MOB1A: variants seen among roughly 807,000 people sequenced by gnomAD.
The protein encoded by MOB1A is MOB kinase activator 1A.
In MOB1A, 10 loss-of-function variants were observed where a neutral mutation model predicts 25.1. The observed-to-expected ratio is 0.40, with a 90% confidence interval of 0.25 to 0.68. The LOEUF (loss-of-function observed/expected upper bound fraction) is 0.68, where lower values mean the gene tolerates loss of function less well. MOB1A is among the 30% of genes least tolerant of loss of function. MOB1A has a pLI of 0.40. For synonymous variants in MOB1A, 81 were observed against 79.5 expected, an observed-to-expected ratio of 1.02 and a Z score of -0.10; for missense variants, 177 against 256.3, an observed-to-expected ratio of 0.69 and a Z score of 2.11.
chr2:74,170,152 G>T (rs900020898), intron 2 of MOB1A, among the ~76,000 whole-genome samples: 3 of 151,536 alleles, frequency 2.0e-5, no homozygotes, highest in Non-Finnish European at 2.9e-5. Flanking sequence ...GTGTGTGTGT[G>T]TTTTTTTAAG....
chr2:74,158,919 T>A, intron 5 of MOB1A, 172 bp downstream of exon 5: 1 of 709,020 alleles, frequency 1.4e-6, no homozygotes, highest in Non-Finnish European at 2.3e-6. Flanking sequence ...CTTTTTATAC[T>A]GCTGCACACA....
intron 2 of MOB1A, among the ~76,000 whole-genome samples, chr2:74,169,564 G>C (rs4527231): frequency 6.6e-6 from 1 of 151,930 alleles, no homozygotes; most frequent in Non-Finnish European, 1.5e-5. Context: ...AGAGTATCAC[G>C]AGATATACCC....
At chr2:74,169,431 G>A (rs1693220480) in intron 2 of MOB1A, among the ~76,000 whole-genome samples, 2 of 152,086 alleles carry the variant, frequency 1.3e-5, no homozygotes, top group South Asian at 4.1e-4. Context: ...GAAGCCAGGA[G>A]GCAGCTGCAG....
chr2:74,163,441 A>G (rs1693032671), intron 4 of MOB1A, among the ~76,000 whole-genome samples: 1 of 152,172 alleles, frequency 6.6e-6, no homozygotes, highest in Non-Finnish European at 1.5e-5. Flanking sequence ...GTTCGAGACC[A>G]GCCTGGGCAA....
At position 74,165,312 on chromosome 2, in the gene MOB1A, CT is replaced by C; in HGVS notation, c.314del (p.Lys105SerfsTer14). 1 of 1,582,042 alleles carries C rather than the reference CT, an allele frequency of 6.3e-7. No individual in the cohort carries two copies. Among genetic ancestry groups the C allele is most frequent in the Non-Finnish European group, 8.6e-7 (1 of 1,163,466 alleles). On this transcript the variant is annotated frameshift_variant, in exon 4 of 6. Transcript: ENST00000396049. LOFTEE classifies it high-confidence loss of function. ...ATTTTGGTGCAGAACATTTGATTGGCTTTTTAATATTAGTACCATCTGCCCA... is the reference window on the plus strand; with the variant it reads ...ATTTTGGTGCAGAACATTTGATTGGCTTTTAATATTAGTACCATCTGCCCA... Reference protein sequence around the residue: ...YHWADGTNIKKPIKCSAPKYI... With the variant: ...YHWADGTNIKXPIKCSAPKYI...
rs75064967 is a variant in MOB1A at position 74,165,170 on chromosome 2, A to C, written c.409+48T>G. 2.2e-4 allele frequency: 312 copies of C among 1,397,096 alleles called. 4 individuals are homozygous for C. The East Asian group carries it at 7.2e-3, about 32-fold the overall frequency. 86.5% of individuals were successfully genotyped at this position (1,397,096 alleles called of 1,614,324 possible). On this transcript the variant is annotated intron_variant, in intron 4 of 5. Coordinates refer to ENST00000396049, the MANE Select transcript of MOB1A (RefSeq NM_018221.5). ...CCCCCCAACTCTATTTATATTAATA[A>C]AATAAAATTTTAAAAAAAGAAAGAA...
At chr2:74,167,708 G>A (rs1375383792) in intron 2 of MOB1A, among the ~76,000 whole-genome samples, 1 of 152,256 alleles carries the variant, frequency 6.6e-6, no homozygotes, top group Non-Finnish European at 1.5e-5. Context: ...GTATCCAGAG[G>A]CATTTAAAAG....
At chr2:74,172,183 A>T (rs763861485) in intron 2 of MOB1A, among the ~76,000 whole-genome samples, 1 of 152,220 alleles carries the variant, frequency 6.6e-6, no homozygotes, top group South Asian at 2.1e-4. Context: ...TCAACTGTCC[A>T]TATGAACTGC....
At chr2:74,169,964 A>C (rs1693240674) in intron 2 of MOB1A, among the ~76,000 whole-genome samples, 1 of 151,948 alleles carries the variant, frequency 6.6e-6, no homozygotes, top group Non-Finnish European at 1.5e-5. Flanking sequence ...AGAATGGTAC[A>C]TATTTATGGG....
chr2:74,162,408 G>C (rs1193362402), intron 4 of MOB1A, among the ~76,000 whole-genome samples: 1 of 152,172 alleles, frequency 6.6e-6, no homozygotes, highest in South Asian at 2.1e-4. Flanking sequence ...TTCAACCCAG[G>C]AAGTGGAGGT....
chr2:74,157,455 G>A (rs1451218527), intron 5 of MOB1A, among the ~76,000 whole-genome samples: 1 of 152,068 alleles, frequency 6.6e-6, no homozygotes, highest in Non-Finnish European at 1.5e-5. Context: ...TCTATAAGCG[G>A]CTCTAGCAAA....
intron 1 of MOB1A, among the ~76,000 whole-genome samples, chr2:74,176,110 A>ACACACACACACACT (rs1693450702): frequency 6.7e-6 from 1 of 149,320 alleles, no homozygotes; most frequent in African/African-American, 2.5e-5. Context: ...ACACACACAC[A>ACACACACACACACT]CACACACACA....
At chr2:74,171,963 T>A (rs1377915699) in intron 2 of MOB1A, among the ~76,000 whole-genome samples, 1 of 152,166 alleles carries the variant, frequency 6.6e-6, no homozygotes, top group Non-Finnish European at 1.5e-5. Context: ...AACTTTTTAT[T>A]CCTGGAACAT....
In MOB1A at chr2:74,165,213, C is replaced by T; in HGVS notation, c.409+5G>A. ...AGAAAGAATACTTCGACAATGTTAA[C>T]TCACCAATCTTAGAAGGAAAAAGAG... On this transcript the variant is annotated splice_donor_5th_base_variant and intron_variant, in intron 4 of 5. Transcript: ENST00000396049. The T allele has an allele frequency of 6.6e-7, 1 of 1,516,158 alleles. No homozygotes were observed. The highest frequency in any genetic ancestry group is 8.8e-7 in the Non-Finnish European group (1 of 1,131,252). The allele number at this position is 1,516,158 out of a possible 1,614,324, so 93.9% of individuals were successfully genotyped here. A position where few individuals can be genotyped will look rare whatever the true frequency, so the allele number is the denominator to read the frequency against.
intron 1 of MOB1A, among the ~76,000 whole-genome samples, chr2:74,172,988 T>A (rs1298110692): frequency 6.6e-6 from 1 of 151,966 alleles, no homozygotes; most frequent in East Asian, 1.9e-4. Flanking sequence ...ATACAAAAAT[T>A]AGCCAAGCAT....
intron 4 of MOB1A, among the ~76,000 whole-genome samples, chr2:74,162,000 G>C (rs1692987306): frequency 6.6e-6 from 1 of 151,958 alleles, no homozygotes; most frequent in Non-Finnish European, 1.5e-5. Context: ...TTTTTTATCA[G>C]AATGTATAAA....
chr2:74,165,345 T>C lies in MOB1A; in HGVS notation c.282A>G (p.Glu94=). The C allele has an allele frequency of 1.3e-6, 2 of 1,526,286 alleles. No individual in the cohort carries two copies. The highest frequency in any genetic ancestry group is 2.3e-5 in the East Asian group (1 of 42,642). The allele number at this position is 1,526,286 out of a possible 1,614,324, so 94.5% of individuals were successfully genotyped here. A position where few individuals can be genotyped will look rare whatever the true frequency, so the allele number is the denominator to read the frequency against. The change falls in exon 4 of 6, where the codon GAA becomes GAG. Residue 94 remains glutamate, a synonymous_variant. Transcript: ENST00000396049. ...TATTAGTACCATCTGCCCAGTGATA[T>C]TCATATCTGAAGAGAAAAATGTTTT... is the stretch of plus-strand genomic sequence containing the variant. ...CPVMSAGPRY[E]YHWADGTNIK...
chr2:74,165,323 T>C lies in MOB1A; in HGVS notation c.304A>G (p.Asn102Asp). ...RYEYHWADGTNIKKPIKCSAP... is the reference protein window; with the variant it reads ...RYEYHWADGTDIKKPIKCSAP... ...GAACATTTGATTGGCTTTTTAATAT[T>C]AGTACCATCTGCCCAGTGATATTCA... Residue 102 changes from asparagine to aspartate, a missense_variant, in exon 4 of 6, where the codon AAT (asparagine) becomes GAT (aspartate). Asn to Asp is a conservative substitution (Grantham distance 23, BLOSUM62 1). Coordinates refer to ENST00000396049, the MANE Select transcript of MOB1A (RefSeq NM_018221.5). 6.3e-7 allele frequency: 1 copy of C among 1,577,746 alleles called. No homozygotes were observed. Among genetic ancestry groups the C allele is most frequent in the Non-Finnish European group, 8.6e-7 (1 of 1,162,080 alleles).
intron 4 of MOB1A, among the ~76,000 whole-genome samples, chr2:74,163,633 G>A (rs964256867): frequency 3.3e-5 from 5 of 151,874 alleles, no homozygotes; most frequent in Non-Finnish European, 7.4e-5. Context: ...GTGAGACCCT[G>A]TCTCAAAAAA....
Sources: allele counts gnomAD v4.1 joint callset (sites outside exome capture counted in the v4.1 genomes callset), GRCh38; gene constraint gnomAD v4.1.1; transcripts MANE v1.5; gene names NCBI Gene and HGNC (gene_info 2026-07-23, HGNC 2026-07-21).